ZSWIM5: variants seen among roughly 807,000 people sequenced by gnomAD.
ZSWIM5 encodes the protein zinc finger SWIM-type containing 5, also known as zinc finger SWIM domain-containing protein 5.
A neutral mutation model predicts 119.6 loss-of-function variants in ZSWIM5; 55 were observed. That is an observed-to-expected ratio of 0.46 (90% CI 0.37 to 0.58). The LOEUF (loss-of-function observed/expected upper bound fraction) is 0.58. ZSWIM5 is among the 20% of genes least tolerant of loss of function. The pLI is 0.00. For missense variants in ZSWIM5, 1,193 were observed against 1,512.8 expected, an observed-to-expected ratio of 0.79 and a Z score of 3.51; for synonymous variants, 537 against 606.9, an observed-to-expected ratio of 0.88 and a Z score of 1.69.
At chr1:45,133,384 ATG>A in intron 1 of ZSWIM5, among the ~76,000 whole-genome samples, 1 of 152,144 alleles carries the variant, frequency 6.6e-6, no homozygotes, top group South Asian at 2.1e-4. Flanking sequence ...GCATTTTTTC[ATG>A]TGTCTGTTGG....
chr1:45,154,293 C>G (rs1406282715), intron 1 of ZSWIM5, among the ~76,000 whole-genome samples: 1 of 152,098 alleles, frequency 6.6e-6, no homozygotes. Flanking sequence ...ATAGCCAAAG[C>G]TGGACTAAGC....
chr1:45,055,280 G>A (rs1312123618), intron 4 of ZSWIM5, among the ~76,000 whole-genome samples: 2 of 152,068 alleles, frequency 1.3e-5, no homozygotes, highest in East Asian at 1.9e-4. Flanking sequence ...GTGAGCCACT[G>A]TGCCCGGCCA....
intron 2 of ZSWIM5, among the ~76,000 whole-genome samples, chr1:45,081,809 C>G (rs1475497403): frequency 1.3e-5 from 2 of 152,182 alleles, no homozygotes; most frequent in South Asian, 2.1e-4. Context: ...GCCCGGCCAC[C>G]ACCCCGTCTG....
At chr1:45,076,795 T>C (rs2149006911) in intron 2 of ZSWIM5, among the ~76,000 whole-genome samples, 1 of 152,170 alleles carries the variant, frequency 6.6e-6, no homozygotes, top group South Asian at 2.1e-4. Flanking sequence ...CTCATTTTAT[T>C]CTTTTTTTCG....
chr1:45,088,149 G>A lies in ZSWIM5; in HGVS notation c.684C>T (p.Cys228=). Residue 228 remains cysteine, a synonymous_variant, in exon 2 of 14, where the codon TGC becomes TGT. Transcript: ENST00000359600. The surrounding 1 kb of genome is among the most constrained non-coding windows in gnomAD (Gnocchi z 4.2). ...TYKVAISFDR[C]KITSVTCGCG... ...AGCCACATGTCACTGAGGTGATTTT[G>A]CATCGATCAAAACTGATTGCAACTT... is the stretch of plus-strand genomic sequence containing the variant. 1 of 1,614,152 alleles carries A rather than the reference G, an allele frequency of 6.2e-7. No homozygotes were observed. Among genetic ancestry groups the A allele is most frequent in the Non-Finnish European group, 8.5e-7 (1 of 1,180,014 alleles).
chr1:45,060,411 T>A (rs2149000617), intron 2 of ZSWIM5, among the ~76,000 whole-genome samples, 164 bp from the exon 3 acceptor site: 1 of 152,290 alleles, frequency 6.6e-6, no homozygotes, highest in East Asian at 1.9e-4. Context: ...ATACATAAAA[T>A]TAATTTTTCA....
chr1:45,101,262 A>T (rs1384965681), intron 1 of ZSWIM5, among the ~76,000 whole-genome samples: 1 of 152,240 alleles, frequency 6.6e-6, no homozygotes, highest in Non-Finnish European at 1.5e-5. Context: ...AAAAGGAGAC[A>T]TTTAGGCAGC....
chr1:45,169,161 A>G (rs1570175083), intron 1 of ZSWIM5, among the ~76,000 whole-genome samples: 1 of 151,770 alleles, frequency 6.6e-6, no homozygotes. Flanking sequence ...TCCAATCTGT[A>G]TATCTAGTTT....
chr1:45,136,389 G>A (rs957619773), intron 1 of ZSWIM5, among the ~76,000 whole-genome samples: 2 of 152,076 alleles, frequency 1.3e-5, no homozygotes, highest in Non-Finnish European at 2.9e-5. Flanking sequence ...GGGATTACAA[G>A]TGTGAGCCAC....
rs758679951 is a variant in ZSWIM5 at position 45,206,260 on chromosome 1, G to A, written c.91C>T (p.His31Tyr). 22 of 1,583,692 alleles carry A rather than the reference G, an allele frequency of 1.4e-5. No individual in the cohort carries two copies. The African/African-American group carries it at 2.0e-4, about 15-fold the overall frequency. The change falls in exon 1 of 14, where the codon CAT becomes TAT. Residue 31 changes from histidine to tyrosine, a missense_variant. By Grantham distance (83) the His-to-Tyr change is moderately conservative. Transcript: ENST00000359600. Reference protein sequence around the residue: ...RQCSWPSPQAHHPRGSPGAAG... With the variant: ...RQCSWPSPQAYHPRGSPGAAG... ...GCCCCAGGCGAACCGCGAGGGTGAT[G>A]AGCCTGCGGGCTGGGCCACGAACAC...
At chr1:45,023,376 C>T (rs913292329) in intron 11 of ZSWIM5, among the ~76,000 whole-genome samples, 2 of 150,878 alleles carry the variant, frequency 1.3e-5, no homozygotes, top group South Asian at 4.2e-4. Flanking sequence ...CTTTCTTCTT[C>T]TTTTTTTTAA....
At chr1:45,181,980 C>G (rs1646022566) in intron 1 of ZSWIM5, among the ~76,000 whole-genome samples, 1 of 151,944 alleles carries the variant, frequency 6.6e-6, no homozygotes, top group African/African-American at 2.4e-5. Context: ...CAAAAACATG[C>G]CAAAATGTAA....
intron 1 of ZSWIM5, among the ~76,000 whole-genome samples, chr1:45,092,079 C>T (rs1326655250): frequency 6.6e-6 from 1 of 152,162 alleles, no homozygotes; most frequent in Non-Finnish European, 1.5e-5. Context: ...GTGACTATCA[C>T]TGAATTTCCC....
chr1:45,185,636 A>C (rs1277800982), intron 1 of ZSWIM5, among the ~76,000 whole-genome samples: 1 of 152,208 alleles, frequency 6.6e-6, no homozygotes, highest in African/African-American at 2.4e-5. Flanking sequence ...ATGCAGCCAA[A>C]AAACACATGA....
intron 1 of ZSWIM5, among the ~76,000 whole-genome samples, chr1:45,167,617 A>G (rs934073456): frequency 6.6e-5 from 10 of 152,154 alleles, no homozygotes; most frequent in African/African-American, 2.4e-4. Context: ...GAACTCAAAC[A>G]AATTTACAAG....
At position 45,018,826 on chromosome 1, in the gene ZSWIM5, G is replaced by A. The variant is rs201386402; in HGVS notation, c.3186C>T (p.Pro1062=). Residue 1062 remains proline (P), a synonymous_variant, in exon 14 of 14, where the codon CCC becomes CCT. Coordinates refer to ENST00000359600, the MANE Select transcript of ZSWIM5 (RefSeq NM_020883.2). The surrounding 1 kb of genome is among the most constrained non-coding windows in gnomAD (Gnocchi z 6.7). ...LGKNELAALI[P]LVVKSVHCAT... is the part of the protein sequence containing the mutation. ...CACAGTGCACACTCTTCACCACCAG[G>A]GGGATGAGAGCTGCCAGCTCATTCT... 3.6e-5 allele frequency: 58 copies of A among 1,614,124 alleles called. No individual in the cohort carries two copies. The highest frequency in any genetic ancestry group is 5.3e-5 in the African/African-American group (4 of 74,944).
Position 45,057,519 on chromosome 1 carries a change from A to T in ZSWIM5, c.1252+1090T>A, listed in dbSNP as rs988145014. 3.3e-5 allele frequency among the ~76,000 whole-genome samples: 5 copies of T among 152,238 alleles called. No homozygotes were observed. The highest frequency in any genetic ancestry group is 5.9e-5 in the Non-Finnish European group (4 of 68,030). Reference sequence around the variant, plus strand: ...AATTAAGACATTCAGGCCTCAGATGAAACTGACTCTCCCAAGGCTAACTTC... The same window carrying T: ...AATTAAGACATTCAGGCCTCAGATGTAACTGACTCTCCCAAGGCTAACTTC... On this transcript the variant is annotated intron_variant, in intron 4 of 13. Coordinates refer to ENST00000359600, the MANE Select transcript of ZSWIM5 (RefSeq NM_020883.2). The surrounding 1 kb of genome is among the most constrained non-coding windows in gnomAD (Gnocchi z 4.7).
At chr1:45,077,370 G>T (rs346698) in intron 2 of ZSWIM5, among the ~76,000 whole-genome samples, 3 of 152,008 alleles carry the variant, frequency 2.0e-5, no homozygotes, top group African/African-American at 4.8e-5. Context: ...GATATCACAC[G>T]TTGGTAGGAT....
chr1:45,171,899 A>G (rs993115504), intron 1 of ZSWIM5, among the ~76,000 whole-genome samples: 2 of 152,136 alleles, frequency 1.3e-5, no homozygotes, highest in African/African-American at 4.8e-5. Context: ...TGGAACTACA[A>G]TTGTTTCTAT....
Sources: gnomAD v4.1 joint callset for allele counts (sites outside exome capture counted in the v4.1 genomes callset) on GRCh38, gnomAD v4.1.1 for gene constraint, Gnocchi (gnomAD v3.1) non-coding constraint, MANE v1.5 for transcripts, NCBI Gene and HGNC (gene_info 2026-07-23, HGNC 2026-07-21) for gene names.